CCN1: variants seen among roughly 807,000 people sequenced by gnomAD.
CCN1 encodes CCN family member 1.
A neutral mutation model predicts 38.1 loss-of-function variants in CCN1; 12 were observed. That is an observed-to-expected ratio of 0.31 (90% CI 0.20 to 0.51). The LOEUF is 0.51. Among genes scored for constraint, CCN1 ranks in the 20% least tolerant of loss-of-function variants. CCN1 has a pLI of 0.97. For synonymous variants in CCN1, 202 were observed against 196.1 expected (o/e 1.03, Z -0.25); for missense variants, 466 against 490.9 (o/e 0.95, Z 0.48).
At chr1:85,581,287 C>T in intron 1 of CCN1, 78 bp from the exon 2 acceptor site, 1 of 1,412,438 alleles carries the variant, frequency 7.1e-7, no homozygotes, top group Non-Finnish European at 9.5e-7. Flanking sequence ...TCGGAGACCC[C>T]CGTCCCTCAC....
rs1364209518 is a variant in CCN1, at chr1:85,582,885, C to T, written c.989C>T (p.Thr330Ile). ...GRCCTPQLTR[T>I]VKMRFRCEDG... Reference sequence around the variant, plus strand: ...TGCTGCACGCCCCAGCTGACCAGGACTGTGAAGATGCGGTTCCGCTGCGAA... The same window carrying T: ...TGCTGCACGCCCCAGCTGACCAGGATTGTGAAGATGCGGTTCCGCTGCGAA... The change falls in exon 5 of 5, where the codon ACT becomes ATT. Residue 330 changes from threonine to isoleucine, a missense_variant. Thr to Ile is a moderately conservative substitution (Grantham distance 89, BLOSUM62 -1). Coordinates refer to ENST00000451137, the MANE Select transcript of CCN1 (RefSeq NM_001554.5). 6.2e-7 allele frequency: 1 copy of T among 1,614,204 alleles called. No homozygotes were observed. Among genetic ancestry groups the T allele is most frequent in the Admixed American group, 1.7e-5 (1 of 60,020 alleles).
chr1:85,582,717 T>C (rs1298494776), intron 4 of CCN1, 23 bp from the exon 5 acceptor site: 2 of 1,612,390 alleles, frequency 1.2e-6, no homozygotes, highest in East Asian at 4.5e-5. Flanking sequence ...CCCCTAACTT[T>C]CCTTCTCTCC....
chr1:85,581,734 C>G (rs138327040), intron 2 of CCN1, 156 bp downstream of exon 2: 1 of 1,137,994 alleles, frequency 8.8e-7, no homozygotes, highest in Non-Finnish European at 1.3e-6. Flanking sequence ...TTCAGTGTGT[C>G]TGGGCCCAAC....
Position 85,581,375 on chromosome 1 carries a change from C to CCTGCCCCGCTGCCTGCCA in CCN1, c.82_99dup (p.Ala28_Pro33dup). On this transcript the variant is annotated inframe_insertion, in exon 2 of 5. Coordinates refer to ENST00000451137, the MANE Select transcript of CCN1 (RefSeq NM_001554.5). The stretch of plus-strand genomic sequence containing the variant: ...TTCTCCCCCTTCCAGGCGCTCTCCA[C>CCTGCCCCGCTGCCTGCCA]CTGCCCCGCTGCCTGCCACTGCCCC... The CCTGCCCCGCTGCCTGCCA allele has an allele frequency of 6.3e-7, 1 of 1,590,624 alleles. No individual in the cohort carries two copies. Among genetic ancestry groups the CCTGCCCCGCTGCCTGCCA allele is most frequent in the Non-Finnish European group, 8.5e-7 (1 of 1,169,854 alleles).
intron 1 of CCN1, 118 bp downstream of exon 1, chr1:85,581,165 G>T: frequency 7.6e-7 from 1 of 1,318,216 alleles, no homozygotes. Flanking sequence ...GCGGGTAGCC[G>T]TTTCTTTAAG....
rs745836554 is a variant in CCN1, at chr1:85,580,954, C to T, written c.-31C>T. On this transcript the variant is annotated 5_prime_UTR_variant, in exon 1 of 5. Transcript: ENST00000451137. ...CAGCTTGTTGGCGTCTTCGTCGCCGCGCTCGCCCCGGGCTACTCCTGCGCG... is the reference window on the plus strand; with the variant it reads ...CAGCTTGTTGGCGTCTTCGTCGCCGTGCTCGCCCCGGGCTACTCCTGCGCG... 3.9e-6 allele frequency: 6 copies of T among 1,550,414 alleles called. No homozygotes were observed. The South Asian group carries it at 7.4e-5, about 19-fold the overall frequency.
chr1:85,582,719 C>T (rs753851213), intron 4 of CCN1, 21 bp from the exon 5 acceptor site: 2 of 1,612,422 alleles, frequency 1.2e-6, no homozygotes, highest in East Asian at 2.2e-5. Context: ...CCTAACTTTC[C>T]TTCTCTCCTT....
At position 85,582,733 on chromosome 1, in the gene CCN1, C is replaced by T; in HGVS notation, c.844-7C>T. On this transcript the variant is annotated splice_region_variant and splice_polypyrimidine_tract_variant and intron_variant, in intron 4 of 4. Transcript: ENST00000451137. ...CCCTAACTTTCCTTCTCTCCTTTCTCTTACAGAAGGGCAAGAAATGCAGCA... is the reference window on the plus strand; with the variant it reads ...CCCTAACTTTCCTTCTCTCCTTTCTTTTACAGAAGGGCAAGAAATGCAGCA... The T allele has an allele frequency of 1.2e-6, 2 of 1,613,094 alleles. No individual in the cohort carries two copies. The highest frequency in any genetic ancestry group is 1.7e-6 in the Non-Finnish European group (2 of 1,179,106).
At chr1:85,582,652 G>A (rs373437549) in intron 4 of CCN1, 28 bp downstream of exon 4, 189 of 1,613,574 alleles carry the variant, frequency 1.2e-4, no homozygotes, top group Middle Eastern at 8.2e-4. Flanking sequence ...CGTGTAGACT[G>A]TTGCCTGGCA....
rs538510187 is a variant in CCN1 at position 85,581,272 on chromosome 1, T to C, written c.64-93T>C. The C allele has an allele frequency of 3.8e-6, 5 of 1,323,436 alleles. No homozygotes were observed. In the South Asian group the frequency reaches 4.3e-5, roughly 11 times the overall value. 82.0% of individuals were successfully genotyped at this position (1,323,436 alleles called of 1,614,324 possible). On this transcript the variant is annotated intron_variant, in intron 1 of 4. Coordinates refer to ENST00000451137, the MANE Select transcript of CCN1 (RefSeq NM_001554.5). ...GACGAGATCAGAGGCTCCCCGTCGA[T>C]AGGGTCGGAGACCCCCGTCCCTCAC...
chr1:85,582,156 A>C lies in CCN1; in HGVS notation c.506A>C (p.Lys169Thr), dbSNP rs780007997. 4.3e-6 allele frequency: 7 copies of C among 1,614,200 alleles called. No individual in the cohort carries two copies. In the Admixed American group the frequency reaches 6.7e-5, roughly 15 times the overall value. ...TGGGTCTGTGACGAGGATAGTATCA[A>C]GGACCCCATGGAGGACCAGGACGGC... ...EEWVCDEDSIKDPMEDQDGLL... is the reference protein window; with the variant it reads ...EEWVCDEDSITDPMEDQDGLL... The change falls in exon 3 of 5, where the codon AAG becomes ACG. Residue 169 changes from lysine (K) to threonine (T), a missense_variant. Physicochemically the swap from Lys to Thr is moderately conservative, Grantham distance 78. Coordinates refer to ENST00000451137, the MANE Select transcript of CCN1 (RefSeq NM_001554.5).
At position 85,582,041 on chromosome 1, in the gene CCN1, A is replaced by C. The variant is rs760330769; in HGVS notation, c.391A>C (p.Ile131Leu). The C allele has an allele frequency of 1.4e-5, 22 of 1,614,180 alleles. 1 individual carries two copies. The South Asian group carries it at 2.4e-4, about 18-fold the overall frequency. The stretch of plus-strand genomic sequence containing the variant: ...ATGTATTGATGGCGCCGTGGGCTGC[A>C]TTCCTCTGTGTCCCCAAGAACTATC... ...CTCIDGAVGC[I>L]PLCPQELSLP... The change falls in exon 3 of 5, where the codon ATT (isoleucine) becomes CTT (leucine). Residue 131 changes from isoleucine (I) to leucine (L), a missense_variant. Around this residue, in one of 3 missense-constraint regions of CCN1, gnomAD observed 309 missense variants for 319.9 expected, o/e 0.97. Transcript: ENST00000451137.
rs1570695654 is a variant in CCN1 at position 85,582,886 on chromosome 1, T to C, written c.990T>C (p.Thr330=). ...GRCCTPQLTR[T]VKMRFRCEDG... ...GCTGCACGCCCCAGCTGACCAGGAC[T>C]GTGAAGATGCGGTTCCGCTGCGAAG... Residue 330 remains threonine, a synonymous_variant, in exon 5 of 5, where the codon ACT becomes ACC. Coordinates refer to ENST00000451137, the MANE Select transcript of CCN1 (RefSeq NM_001554.5). 6.2e-7 allele frequency: 1 copy of C among 1,614,170 alleles called. No individual in the cohort carries two copies.
Position 85,582,076 on chromosome 1 carries a change from C to T in CCN1, c.426C>T (p.Asn142=). ...GTCCCCAAGAACTATCTCTCCCCAACTTGGGCTGTCCCAACCCTCGGCTGG... is the reference window on the plus strand; with the variant it reads ...GTCCCCAAGAACTATCTCTCCCCAATTTGGGCTGTCCCAACCCTCGGCTGG... ...PLCPQELSLP[N]LGCPNPRLVK... Residue 142 remains asparagine (N), a synonymous_variant, in exon 3 of 5, where the codon AAC becomes AAT. Transcript: ENST00000451137. 2 of 1,614,216 alleles carry T rather than the reference C, an allele frequency of 1.2e-6. No individual in the cohort carries two copies. Among genetic ancestry groups the T allele is most frequent in the South Asian group, 1.1e-5 (1 of 91,078 alleles).
At chr1:85,581,121 A>T in intron 1 of CCN1, 74 bp downstream of exon 1, 1 of 1,490,912 alleles carries the variant, frequency 6.7e-7, no homozygotes, top group Non-Finnish European at 9.0e-7. Context: ...CAGATTGCCC[A>T]CGGCAGGAAA....
chr1:85,581,853 T>C, intron 2 of CCN1, 75 bp from the exon 3 acceptor site: 2 of 1,434,248 alleles, frequency 1.4e-6, no homozygotes, highest in South Asian at 1.2e-5. Flanking sequence ...GCAGAAAATA[T>C]GTATGAGTTT....
intron 4 of CCN1, 23 bp downstream of exon 4, chr1:85,582,647 A>C: frequency 6.2e-7 from 1 of 1,613,992 alleles, no homozygotes; most frequent in Non-Finnish European, 8.5e-7. Context: ...AGGGACGTGT[A>C]GACTGTTGCC....
chr1:85,581,282 G>A, intron 1 of CCN1, 83 bp from the exon 2 acceptor site: 1 of 1,384,662 alleles, frequency 7.2e-7, no homozygotes, highest in East Asian at 2.5e-5. Context: ...TAGGGTCGGA[G>A]ACCCCCGTCC....
At chr1:85,581,226 C>A in intron 1 of CCN1, 139 bp from the exon 2 acceptor site, 1 of 1,187,174 alleles carries the variant, frequency 8.4e-7, no homozygotes, top group Non-Finnish European at 1.2e-6. Context: ...GTGGGAGCAG[C>A]CTTCCGAGGT....
Sources: gnomAD v4.1 joint callset for allele counts on GRCh38, gnomAD v4.1.1 for gene constraint, gnomAD v4.1.1 regional missense constraint, MANE v1.5 for transcripts, NCBI Gene and HGNC (gene_info 2026-07-23, HGNC 2026-07-21) for gene names.